Variants in SYNE2 observed in about 807,000 individuals in gnomAD.
The protein encoded by SYNE2 is spectrin repeat containing nuclear envelope protein 2, also known as nesprin-2.
SYNE2 carries 431 observed loss-of-function variants against 856.3 expected under a neutral mutation model. The observed-to-expected ratio is 0.50, with a 90% CI of 0.47 to 0.55. SYNE2 has a LOEUF of 0.55. SYNE2 is among the 20% of genes least tolerant of loss of function. The pLI is 0.00. For missense variants in SYNE2, 8,129 were observed against 8,023.2 expected (o/e 1.01, Z -0.50); for synonymous variants, 2,923 against 2,872.3 (o/e 1.02, Z -0.56).
chr14:64,120,492 G>A (rs2097889748), intron 67 of SYNE2, among the ~76,000 whole-genome samples: 1 of 152,230 alleles, frequency 6.6e-6, no homozygotes. Flanking sequence ...GGCTGGGTGT[G>A]GTGGCTCACG....
chr14:64,095,052 A>C (rs1394070790), intron 61 of SYNE2: 1 of 170,242 alleles, frequency 5.9e-6, no homozygotes, highest in East Asian at 1.9e-4. Context: ...GTCAGTGCAA[A>C]AGTAATTCCA....
intron 79 of SYNE2, among the ~76,000 whole-genome samples, chr14:64,139,454 C>G (rs2098123535): frequency 6.6e-6 from 1 of 151,758 alleles, no homozygotes; most frequent in Non-Finnish European, 1.5e-5. Flanking sequence ...CTCTGTCGCC[C>G]AGGCTGGAGT....
At chr14:64,136,257 TCCA>T (rs2098087548) in intron 78 of SYNE2, among the ~76,000 whole-genome samples, 2 of 128,810 alleles carry the variant, frequency 1.6e-5, no homozygotes, top group Non-Finnish European at 3.1e-5. Context: ...GCCACTGTAC[TCCA>T]GCCTGGGTGA....
At chr14:63,877,152 G>T (rs879302085) in intron 1 of SYNE2, among the ~76,000 whole-genome samples, 3 of 152,144 alleles carry the variant, frequency 2.0e-5, no homozygotes, top group Non-Finnish European at 4.4e-5. Context: ...TTATGTTTGG[G>T]TTTGGAAAAC....
At chr14:64,086,702 C>CTT (rs56168321) in intron 57 of SYNE2, among the ~76,000 whole-genome samples, 96 of 64,658 alleles carry the variant, frequency 1.5e-3, no homozygotes, top group South Asian at 2.5e-3. Context: ...GTATGCAGGT[C>CTT]TTTTTTTTTT....
At chr14:64,183,195 C>T (rs908500017) in intron 96 of SYNE2, among the ~76,000 whole-genome samples, 2 of 149,662 alleles carry the variant, frequency 1.3e-5, no homozygotes, top group African/African-American at 2.5e-5. Flanking sequence ...CCTCACTTCC[C>T]GGACGTGGCA....
chr14:63,784,451 C>T (rs1044788261), intron 1 of SYNE2, among the ~76,000 whole-genome samples: 8 of 151,972 alleles, frequency 5.3e-5, no homozygotes, highest in East Asian at 1.9e-4. Flanking sequence ...GAGCTGAGAT[C>T]GTGCCACTGC....
chr14:64,130,126 C>A lies in SYNE2; in HGVS notation c.14218C>A (p.Gln4740Lys), dbSNP rs1463742770. Residue 4740 changes from glutamine (Q) to lysine (K), a missense_variant, in exon 76 of 116, where the codon CAA becomes AAA. Around this residue, in one of 3 missense-constraint regions of SYNE2, gnomAD observed 5,410 missense variants for 5,284.8 expected, o/e 1.02. Transcript: ENST00000555002. The part of the protein sequence containing the change: ...LSSPFVTESQ[Q>K]DALLQGMVEL... ...CAGCCCTTTCGTCACTGAGAGCCAGCAAGATGCTTTGTTGCAAGGCATGGT... is the reference window on the plus strand; with the variant it reads ...CAGCCCTTTCGTCACTGAGAGCCAGAAAGATGCTTTGTTGCAAGGCATGGT... 2.5e-6 allele frequency: 4 copies of A among 1,614,026 alleles called. No homozygotes were observed. The Admixed American group carries it at 5.0e-5, about 20-fold the overall frequency.
At chr14:64,074,284 G>T (rs2097438657) in intron 53 of SYNE2, 148 bp downstream of exon 53, 1 of 797,982 alleles carries the variant, frequency 1.3e-6, no homozygotes, top group Admixed American at 1.9e-5. Context: ...CCTGTGGCAT[G>T]GTATGGGCAG....
At chr14:63,892,437 G>GA (rs911520197) in intron 1 of SYNE2, among the ~76,000 whole-genome samples, 19 of 144,512 alleles carry the variant, frequency 1.3e-4, no homozygotes, top group South Asian at 4.3e-4. Context: ...AAAACCCAAG[G>GA]AAAAAAAAAC....
chr14:64,059,114 A>C (rs2097296171), intron 49 of SYNE2, among the ~76,000 whole-genome samples: 1 of 152,058 alleles, frequency 6.6e-6, no homozygotes, highest in Non-Finnish European at 1.5e-5. Context: ...AGCTATTTTG[A>C]ATTCTCTGTC....
At chr14:63,821,753 GA>G (rs368558208) in intron 1 of SYNE2, among the ~76,000 whole-genome samples, 35 of 145,140 alleles carry the variant, frequency 2.4e-4, no homozygotes, top group South Asian at 1.5e-3. Flanking sequence ...ACTCCATCTT[GA>G]AAAAAAAAAG....
chr14:63,795,590 C>A (rs1887890964), intron 1 of SYNE2, among the ~76,000 whole-genome samples: 1 of 152,184 alleles, frequency 6.6e-6, no homozygotes, highest in Non-Finnish European at 1.5e-5. Context: ...GGGGGTCTCA[C>A]TTTGTTGCCC....
At chr14:64,046,543 G>A (rs2097187497) in intron 45 of SYNE2, among the ~76,000 whole-genome samples, 1 of 152,042 alleles carries the variant, frequency 6.6e-6, no homozygotes, top group Admixed American at 6.6e-5. Context: ...TGTACAGATG[G>A]GGTTTCACCG....
At chr14:64,222,866 G>A (rs1427528548) in intron 112 of SYNE2, among the ~76,000 whole-genome samples, 3 of 152,220 alleles carry the variant, frequency 2.0e-5, no homozygotes, top group African/African-American at 4.8e-5. Flanking sequence ...TGACTTTAGA[G>A]TTTCCCTTTA....
At chr14:63,778,145 C>T (rs907161707) in intron 1 of SYNE2, among the ~76,000 whole-genome samples, 1 of 152,110 alleles carries the variant, frequency 6.6e-6, no homozygotes, top group Non-Finnish European at 1.5e-5. Context: ...GGGGGCATTT[C>T]CCCGCATCCT....
At chr14:63,914,667 A>C (rs1289352054) in intron 2 of SYNE2, among the ~76,000 whole-genome samples, 1 of 152,244 alleles carries the variant, frequency 6.6e-6, no homozygotes, top group African/African-American at 2.4e-5. Context: ...AGGAATTTGC[A>C]ACTGTAAATA....
chr14:64,192,461 C>T (rs1026374658), intron 99 of SYNE2, among the ~76,000 whole-genome samples: 4 of 152,040 alleles, frequency 2.6e-5, no homozygotes, highest in East Asian at 1.9e-4. Context: ...TTGCTTTCCT[C>T]GCTCACTCTT....
intron 54 of SYNE2, among the ~76,000 whole-genome samples, chr14:64,076,983 G>T (rs2097466465): frequency 6.6e-6 from 1 of 151,888 alleles, no homozygotes; most frequent in South Asian, 2.1e-4. Context: ...CGTTACTATT[G>T]ATTTTATTTC....
Sources: allele counts gnomAD v4.1 joint callset (sites outside exome capture counted in the v4.1 genomes callset), GRCh38; gene constraint gnomAD v4.1.1; regional missense constraint gnomAD v4.1.1; transcripts MANE v1.5; gene names NCBI Gene and HGNC (gene_info 2026-07-23, HGNC 2026-07-21).